TAP2: variants seen among roughly 807,000 people sequenced by gnomAD.
TAP2 encodes the protein transporter 2, ATP binding cassette subfamily B member.
In TAP2, 49 loss-of-function variants were observed where a neutral mutation model predicts 74.7. That is an observed-to-expected ratio of 0.66 (90% CI 0.52 to 0.83). The LOEUF (loss-of-function observed/expected upper bound fraction) is 0.83, where lower values mean the gene tolerates loss of function less well. TAP2 is among the 40% of genes least tolerant of loss of function. The pLI is 0.00. For synonymous variants in TAP2, 306 were observed against 368.4 expected (o/e 0.83, Z 1.94); for missense variants, 739 against 859.0 (o/e 0.86, Z 1.75).
At position 32,832,250 on chromosome 6, in the gene TAP2, A is replaced by G. The variant is rs1390505122; in HGVS notation, c.1272+83T>C. 9 of 1,596,340 alleles carry G rather than the reference A, an allele frequency of 5.6e-6. No homozygotes were observed. Among genetic ancestry groups the G allele is most frequent in the Non-Finnish European group, 6.8e-6 (8 of 1,169,792 alleles). On this transcript the variant is annotated intron_variant, in intron 7 of 11. Transcript: ENST00000374897. The surrounding 1 kb of genome is among the most constrained non-coding windows in gnomAD (Gnocchi z 5.9). ...TTTGGTTTTGTATTGTATTGTTAAA[A>G]AGAACAAATAAAGCCCAAGGCCCAG...
chr6:32,834,833 G>A (rs780881629), intron 5 of TAP2, among the ~76,000 whole-genome samples: 3 of 152,124 alleles, frequency 2.0e-5, no homozygotes, highest in Admixed American at 6.5e-5. Context: ...CAGTGGGGGC[G>A]GGGGATGTAC....
At chr6:32,836,997 T>C (rs1769460142) in intron 3 of TAP2, among the ~76,000 whole-genome samples, 2 of 152,192 alleles carry the variant, frequency 1.3e-5, no homozygotes, top group African/African-American at 4.8e-5. Flanking sequence ...TCAAACAGTT[T>C]GTTTGTTTGA....
chr6:32,831,199 T>C (rs1769056153), intron 7 of TAP2, among the ~76,000 whole-genome samples: 1 of 152,168 alleles, frequency 6.6e-6, no homozygotes. Context: ...AAAAAGATGT[T>C]TATCAAGTGT....
downstream of TAP2, among the ~76,000 whole-genome samples, chr6:32,822,801 G>A (rs747268811): frequency 6.6e-6 from 1 of 151,978 alleles, no homozygotes; most frequent in Non-Finnish European, 1.5e-5. Flanking sequence ...AAAGTGCTGG[G>A]ATTATAGGTG....
At chr6:32,829,350 A>G in intron 11 of TAP2, 50 bp downstream of exon 11, 1 of 1,560,968 alleles carries the variant, frequency 6.4e-7, no homozygotes. Context: ...TGATCCTCCC[A>G]GCATGCCCCT....
In TAP2 at chr6:32,826,203, T is replaced by A; in HGVS notation, c.*2703A>T. On this transcript the variant is annotated 3_prime_UTR_variant, in exon 12 of 12. Coordinates refer to ENST00000374897, the MANE Select transcript of TAP2 (RefSeq NM_001290043.2). Reference sequence around the variant, plus strand: ...CTTGTTTCACAATTGCCATGTGGATTACAAGTGGCTATCCCTGGGTGGAGG... The same window carrying A: ...CTTGTTTCACAATTGCCATGTGGATAACAAGTGGCTATCCCTGGGTGGAGG... The A allele has an allele frequency of 1.0e-6, 1 of 985,438 alleles. No homozygotes were observed. 61.0% of individuals were successfully genotyped at this position (985,438 alleles called of 1,614,324 possible).
At chr6:32,824,870 A>G (rs567056168), downstream of TAP2, among the ~76,000 whole-genome samples, 1 of 152,012 alleles carries the variant, frequency 6.6e-6, no homozygotes, top group Non-Finnish European at 1.5e-5. Flanking sequence ...TTTTAAATTT[A>G]ATAGTCATTT....
chr6:32,828,691 A>ACCCCCCCC lies in TAP2; in HGVS notation c.*214_*215insGGGGGGGG. Reference sequence around the variant, plus strand: ...ACACAGACAGCCCCCACCCCACCCCACCCCACCTCTCTACCCCACCAAAAG... The same window carrying ACCCCCCCC: ...ACACAGACAGCCCCCACCCCACCCCACCCCCCCCCCCCACCTCTCTACCCCACCAAAAG... On this transcript the variant is annotated 3_prime_UTR_variant, in exon 12 of 12. Transcript: ENST00000374897. 1 of 601,278 alleles carries ACCCCCCCC rather than the reference A, an allele frequency of 1.7e-6. No individual in the cohort carries two copies. The highest frequency in any genetic ancestry group is 2.0e-6 in the Non-Finnish European group (1 of 510,150). The allele number at this position is 601,278 out of a possible 1,614,324, so 37.2% of individuals were successfully genotyped here.
Position 32,827,948 on chromosome 6 carries a change from T to G in TAP2, c.*958A>C. On this transcript the variant is annotated 3_prime_UTR_variant, in exon 12 of 12. Transcript: ENST00000374897. ...AACAACGGGACTGGAGAGAAGAGAA[T>G]AGATTCTGAATTATTTAGAGCTAAG... 2 of 984,684 alleles carry G rather than the reference T, an allele frequency of 2.0e-6. No individual in the cohort carries two copies. The highest frequency in any genetic ancestry group is 2.4e-6 in the Non-Finnish European group (2 of 829,278). The allele number at this position is 984,684 out of a possible 1,614,324, so 61.0% of individuals were successfully genotyped here.
Position 32,835,844 on chromosome 6 carries a change from C to G in TAP2, c.609-71G>C. 1 of 1,608,282 alleles carries G rather than the reference C, an allele frequency of 6.2e-7. No individual in the cohort carries two copies. The highest frequency in any genetic ancestry group is 1.1e-5 in the South Asian group (1 of 90,976). ...CAAGCCAGCGGGTGAAACAGAGGAG[C>G]AAGCCAGGAGTGCAGAGAAGCGCAA... On this transcript the variant is annotated intron_variant, in intron 3 of 11. Transcript: ENST00000374897. This position sits in a 1 kb window ranked among gnomAD's most constrained non-coding sequence, Gnocchi z 4.0.
In TAP2 at chr6:32,825,960, T is replaced by C. The variant is rs1287790273; in HGVS notation, c.*2946A>G. The C allele has an allele frequency of 3.1e-6, 3 of 982,358 alleles. No individual in the cohort carries two copies. Among genetic ancestry groups the C allele is most frequent in the Non-Finnish European group, 3.6e-6 (3 of 827,446 alleles). The allele number at this position is 982,358 out of a possible 1,614,324, so 60.9% of individuals were successfully genotyped here. On this transcript the variant is annotated 3_prime_UTR_variant, in exon 12 of 12. Coordinates refer to ENST00000374897, the MANE Select transcript of TAP2 (RefSeq NM_001290043.2). ...AGATACTTGGCACAGCAATAGCACA[T>C]AGTAAGCACCAGTGAATGCTTAGTA...
downstream of TAP2, among the ~76,000 whole-genome samples, chr6:32,822,917 C>CTTTTTTTTTTTT (rs3041453): frequency 9.1e-6 from 1 of 110,000 alleles, no homozygotes; most frequent in African/African-American, 3.6e-5. Flanking sequence ...TGTGTTCATA[C>CTTTTTTTTTTTT]TTTTTTTTTT....
Position 32,828,524 on chromosome 6 carries a change from C to CT in TAP2, c.*381dup. ...GGTACTTTTACTTTTCTTCTTTGTA[C>CT]TTTTTTATATTGTCTAAATTTTCTA... On this transcript the variant is annotated 3_prime_UTR_variant, in exon 12 of 12. Coordinates refer to ENST00000374897, the MANE Select transcript of TAP2 (RefSeq NM_001290043.2). 3 of 977,756 alleles carry CT rather than the reference C, an allele frequency of 3.1e-6. No homozygotes were observed. Among genetic ancestry groups the CT allele is most frequent in the Non-Finnish European group, 3.6e-6 (3 of 822,212 alleles). 60.6% of individuals were successfully genotyped at this position (977,756 alleles called of 1,614,324 possible).
At chr6:32,822,342 C>A (rs555330400), downstream of TAP2, 1,100 of 1,453,566 alleles carry the variant, frequency 7.6e-4, 18 homozygotes, top group South Asian at 8.1e-3. Flanking sequence ...ACAAAAAAAA[C>A]CCCTTGATCT....
downstream of TAP2, chr6:32,825,290 AT>A (rs1768572648): frequency 6.6e-6 from 1 of 152,238 alleles, no homozygotes; most frequent in African/African-American, 2.4e-5. Flanking sequence ...TCATACTTGT[AT>A]TTTTGCACAT....
Position 32,835,190 on chromosome 6 carries a change from T to C in TAP2, c.909A>G (p.Thr303=), listed in dbSNP as rs538977775. The change falls in exon 5 of 12, where the codon ACA becomes ACG. Residue 303 remains threonine, a synonymous_variant. Coordinates refer to ENST00000374897, the MANE Select transcript of TAP2 (RefSeq NM_001290043.2). This position sits in a 1 kb window ranked among gnomAD's most constrained non-coding sequence, Gnocchi z 4.0. ...TGTTGTACACCTTCTCCGCTGCTAT[T>C]GTGAAGGGCATGTGCAGCAGAGAAA... is the stretch of plus-strand genomic sequence containing the variant. The part of the protein sequence containing the change: ...TLLSLLHMPF[T]IAAEKVYNTR... 6.2e-7 allele frequency: 1 copy of C among 1,612,920 alleles called. No homozygotes were observed. The highest frequency in any genetic ancestry group is 1.3e-5 in the African/African-American group (1 of 74,914).
rs756789763 is a variant in TAP2 at position 32,829,429 on chromosome 6, T to C, written c.1903A>G (p.Ser635Gly). The change falls in exon 11 of 12, where the codon AGT becomes GGT. Residue 635 changes from serine (S) to glycine (G), a missense_variant. Physicochemically the swap from Ser to Gly is moderately conservative, Grantham distance 56. Coordinates refer to ENST00000374897, the MANE Select transcript of TAP2 (RefSeq NM_001290043.2). Reference protein sequence around the residue: ...PRVLILDEATSALDVQCEQAL... With the variant: ...PRVLILDEATGALDVQCEQAL... The stretch of plus-strand genomic sequence containing the variant: ...TGCTCGCACTGCACATCTAGGGCAC[T>C]AGTAGCCTCATCCAGGATGAGGACC... 7 of 1,609,188 alleles carry C rather than the reference T, an allele frequency of 4.4e-6. No homozygotes were observed. The highest frequency in any genetic ancestry group is 5.9e-6 in the Non-Finnish European group (7 of 1,177,730).
chr6:32,823,362 C>T (rs58027204), downstream of TAP2, among the ~76,000 whole-genome samples: 15,393 of 150,928 alleles, frequency 0.1, 1,193 homozygotes, highest in African/African-American at 0.22. Context: ...AGAACTTAAA[C>T]ACATGTCTCA....
At chr6:32,834,079 A>G (rs1490465144) in intron 5 of TAP2, among the ~76,000 whole-genome samples, 5 of 152,196 alleles carry the variant, frequency 3.3e-5, no homozygotes, top group Non-Finnish European at 5.9e-5. Context: ...GGACTAATAC[A>G]TGGTTCCTCA....
Sources: gnomAD v4.1 joint callset for allele counts (sites outside exome capture counted in the v4.1 genomes callset) on GRCh38, gnomAD v4.1.1 for gene constraint, Gnocchi (gnomAD v3.1) non-coding constraint, MANE v1.5 for transcripts, NCBI Gene and HGNC (gene_info 2026-07-23, HGNC 2026-07-21) for gene names.